NEXMIF: variants seen among roughly 807,000 people sequenced by gnomAD.
NEXMIF encodes the protein neurite extension and migration factor.
NEXMIF carries 8 observed loss-of-function variants against 62.1 expected under a neutral mutation model. The observed-to-expected ratio is 0.13, with a 90% CI of 0.08 to 0.23. The LOEUF (loss-of-function observed/expected upper bound fraction) is 0.23. Among genes scored for constraint, NEXMIF ranks in the 10% least tolerant of loss-of-function variants. The pLI is 1.00. For missense variants in NEXMIF, 976 were observed against 1,113.3 expected, an observed-to-expected ratio of 0.88 and a Z score of 1.75; for synonymous variants, 404 against 416.6, an observed-to-expected ratio of 0.97 and a Z score of 0.37.
intron 1 of NEXMIF, among the ~76,000 whole-genome samples, chrX:74,794,647 C>G (rs1483917622): frequency 2.7e-5 from 3 of 112,219 alleles, no homozygotes. Flanking sequence ...GCATAGGACC[C>G]TCCAAGCCAG....
At chrX:74,770,051 C>T (rs960866290) in intron 1 of NEXMIF, among the ~76,000 whole-genome samples, 8 of 110,831 alleles carry the variant, frequency 7.2e-5, no homozygotes, top group African/African-American at 9.8e-5. Context: ...AAAATTAGTC[C>T]CCGTTCATAA....
chrX:74,834,364 TTC>T (rs1468482482), intron 1 of NEXMIF, among the ~76,000 whole-genome samples: 1 of 110,944 alleles, frequency 9.0e-6, no homozygotes, highest in East Asian at 2.8e-4. Flanking sequence ...CATTATAATA[TTC>T]TGTGTTTTTC....
intron 1 of NEXMIF, among the ~76,000 whole-genome samples, chrX:74,813,596 T>C (rs1186795116): frequency 8.9e-6 from 1 of 112,382 alleles, no homozygotes; most frequent in Non-Finnish European, 1.9e-5. Flanking sequence ...TGAATACCCA[T>C]ATACACATTT....
intron 1 of NEXMIF, among the ~76,000 whole-genome samples, chrX:74,792,370 T>G (rs2080287309): frequency 9.6e-6 from 1 of 104,478 alleles, no homozygotes; most frequent in Non-Finnish European, 2.0e-5. Flanking sequence ...TCTTTTACAT[T>G]TGCTGAGGAG....
intron 1 of NEXMIF, among the ~76,000 whole-genome samples, chrX:74,900,394 G>A (rs2080745603): frequency 9.3e-6 from 1 of 107,043 alleles, no homozygotes; most frequent in Non-Finnish European, 1.9e-5. Flanking sequence ...AACCCAGGAG[G>A]TGGAGGTTGC....
chrX:74,762,767 G>C (rs1209987533), intron 1 of NEXMIF, among the ~76,000 whole-genome samples: 14 of 111,754 alleles, frequency 1.3e-4, no homozygotes, highest in Non-Finnish European at 9.4e-5. Context: ...GTCTTCTTTG[G>C]AGAAGTGTCT....
intron 1 of NEXMIF, among the ~76,000 whole-genome samples, chrX:74,922,904 G>A (rs1435047369): frequency 9.0e-6 from 1 of 111,712 alleles, no homozygotes; most frequent in African/African-American, 3.3e-5. Context: ...GGGACAGCCA[G>A]GTAGAGAATT....
chrX:74,846,508 T>C (rs934286830), intron 1 of NEXMIF, among the ~76,000 whole-genome samples: 1 of 112,219 alleles, frequency 8.9e-6, no homozygotes, highest in Non-Finnish European at 1.9e-5. Flanking sequence ...CTGTTTCAAG[T>C]GTATCCTGTC....
chrX:74,764,371 A>C (rs1224788604), intron 1 of NEXMIF, among the ~76,000 whole-genome samples: 1 of 111,870 alleles, frequency 8.9e-6, no homozygotes, highest in African/African-American at 3.3e-5. Flanking sequence ...TCGGTTTGCC[A>C]GTATTTTATT....
At chrX:74,817,232 C>A (rs751558803) in intron 1 of NEXMIF, among the ~76,000 whole-genome samples, 1 of 111,473 alleles carries the variant, frequency 9.0e-6, no homozygotes, top group African/African-American at 3.3e-5. Context: ...TGCCATTGGT[C>A]TTTAGCTACT....
chrX:74,793,821 C>G (rs1201484492), intron 1 of NEXMIF, among the ~76,000 whole-genome samples: 41 of 77,425 alleles, frequency 5.3e-4, no homozygotes, highest in Non-Finnish European at 1.0e-3. Flanking sequence ...TGGTTTTCAG[C>G]TCCATCAGCT....
intron 1 of NEXMIF, among the ~76,000 whole-genome samples, chrX:74,767,860 A>G (rs2080199183): frequency 8.9e-6 from 1 of 112,308 alleles, no homozygotes. Context: ...GTGGCTGGTT[A>G]AAGTTCCAAG....
At position 74,743,516 on chromosome X, in the gene NEXMIF, C is replaced by T; in HGVS notation, c.1041G>A (p.Lys347=). The change falls in exon 3 of 4, where the codon AAG becomes AAA. Residue 347 remains lysine, a synonymous_variant. Transcript: ENST00000055682. ...FFPSVFTTCP[K]RESKSGALKQ... is the part of the protein sequence containing the mutation. ...TCAGGGCCCCACTCTTAGACTCTCG[C>T]TTGGGGCAGGTAGTAAAGACGCTGG... 7 of 1,211,519 alleles carry T rather than the reference C, an allele frequency of 5.8e-6. No individual in the cohort carries two copies. The highest frequency in any genetic ancestry group is 7.8e-6 in the Non-Finnish European group (7 of 895,492).
chrX:74,775,773 A>G (rs1449703943), intron 1 of NEXMIF, among the ~76,000 whole-genome samples: 1 of 111,150 alleles, frequency 9.0e-6, no homozygotes, highest in Non-Finnish European at 1.9e-5. Context: ...AGTCACCCAA[A>G]TTGTTGTCAC....
At chrX:74,905,020 T>C (rs1481426664) in intron 1 of NEXMIF, among the ~76,000 whole-genome samples, 3 of 111,507 alleles carry the variant, frequency 2.7e-5, no homozygotes, top group Non-Finnish European at 5.6e-5. Flanking sequence ...CATCAATTGG[T>C]TGGATTTTCC....
intron 1 of NEXMIF, among the ~76,000 whole-genome samples, chrX:74,856,215 C>A (rs1487735094): frequency 8.9e-6 from 1 of 112,084 alleles, no homozygotes; most frequent in Non-Finnish European, 1.9e-5. Context: ...CAAATACAGA[C>A]TATGAATAAA....
chrX:74,825,232 TA>T (rs1336603149), intron 1 of NEXMIF, among the ~76,000 whole-genome samples: 2 of 111,719 alleles, frequency 1.8e-5, no homozygotes, highest in African/African-American at 3.3e-5. Context: ...CTTGCCCATT[TA>T]AAAAAACTTT....
At chrX:74,797,838 T>C (rs770011344) in intron 1 of NEXMIF, among the ~76,000 whole-genome samples, 66 of 111,896 alleles carry the variant, frequency 5.9e-4, no homozygotes, top group Non-Finnish European at 1.1e-3. Context: ...ATGTTCCATG[T>C]GAATTCCAAT....
At chrX:74,847,109 A>C (rs1339204911) in intron 1 of NEXMIF, among the ~76,000 whole-genome samples, 1 of 112,099 alleles carries the variant, frequency 8.9e-6, no homozygotes, top group Non-Finnish European at 1.9e-5. Context: ...ACACAAAGTC[A>C]TTTTCTCTTC....
Sources: allele counts gnomAD v4.1 joint callset (sites outside exome capture counted in the v4.1 genomes callset), GRCh38; gene constraint gnomAD v4.1.1; transcripts MANE v1.5; gene names NCBI Gene and HGNC (gene_info 2026-07-23, HGNC 2026-07-21).